Variants in ADARB2 observed in about 807,000 individuals in gnomAD.
ADARB2 encodes inactive double-stranded RNA-specific editase B2.
Under a neutral mutation model 62.2 loss-of-function variants are expected in ADARB2, and 25 were observed. The ratio of observed to expected loss-of-function variants is 0.40; its 90% CI spans 0.29 to 0.56. ADARB2 has a LOEUF of 0.56. ADARB2 is among the 20% of genes least tolerant of loss of function. The probability of loss-of-function intolerance (pLI) is 0.43; values close to 1 mark genes in which losing one functional copy is unlikely to be tolerated. For synonymous variants in ADARB2, 572 were observed against 500.8 expected, an observed-to-expected ratio of 1.14 and a Z score of -1.90; for missense variants, 1,071 against 1,077.4, an observed-to-expected ratio of 0.99 and a Z score of 0.08.
Position 1,363,327 on chromosome 10 carries a change from C to A in ADARB2, c.778G>T (p.Ala260Ser), listed in dbSNP as rs1221499605. The part of the protein sequence containing the change: ...AYGRRRLLCR[A>S]LDLVGPTPAT... ...GGGGTCGGGCCCACCAGGTCCAGCG[C>A]GCGGCACAGCAGCCGCCGTCGCCCG... Residue 260 changes from alanine (A) to serine (S), a missense_variant, in exon 3 of 10, where the codon GCG (alanine) becomes TCG (serine). By Grantham distance (99) the Ala-to-Ser change is moderately conservative. Coordinates refer to ENST00000381312, the MANE Select transcript of ADARB2 (RefSeq NM_018702.4). 8.1e-7 allele frequency: 1 copy of A among 1,238,838 alleles called. No homozygotes were observed. Among genetic ancestry groups the A allele is most frequent in the Non-Finnish European group, 1.0e-6 (1 of 991,276 alleles). 76.7% of individuals were successfully genotyped at this position (1,238,838 alleles called of 1,614,324 possible).
chr10:1,214,656 C>T (rs1330135007), intron 7 of ADARB2, among the ~76,000 whole-genome samples: 5 of 152,346 alleles, frequency 3.3e-5, no homozygotes, highest in Non-Finnish European at 5.9e-5. Context: ...TAATTTACTT[C>T]ATTTTTCTGG....
intron 1 of ADARB2, among the ~76,000 whole-genome samples, chr10:1,498,466 T>C (rs1831721193): frequency 6.6e-6 from 1 of 152,076 alleles, no homozygotes; most frequent in Admixed American, 6.5e-5. Flanking sequence ...TGATCTCATA[T>C]GTGTGAAAAT....
intron 6 of ADARB2, among the ~76,000 whole-genome samples, chr10:1,219,734 T>C (rs1589155292): frequency 6.6e-6 from 1 of 151,662 alleles, no homozygotes; most frequent in Admixed American, 6.6e-5. Context: ...GAGGTGATGG[T>C]GATGGTGAAG....
At chr10:1,401,715 A>G (rs1042469707) in intron 1 of ADARB2, among the ~76,000 whole-genome samples, 1 of 152,078 alleles carries the variant, frequency 6.6e-6, no homozygotes, top group Non-Finnish European at 1.5e-5. Flanking sequence ...TCTGTTCTGC[A>G]GAGTCCCTGT....
chr10:1,524,071 T>TAGAA (rs1189070136), intron 1 of ADARB2, among the ~76,000 whole-genome samples: 1 of 151,640 alleles, frequency 6.6e-6, no homozygotes, highest in African/African-American at 2.4e-5. Flanking sequence ...GATAGATAGA[T>TAGAA]AGATAGATAG....
At chr10:1,345,669 C>A (rs1832074730) in intron 3 of ADARB2, among the ~76,000 whole-genome samples, 1 of 152,178 alleles carries the variant, frequency 6.6e-6, no homozygotes, top group South Asian at 2.1e-4. Flanking sequence ...GAGGACAGCA[C>A]CCCTTCTTTT....
rs1836656621 is a variant in ADARB2, at chr10:1,180,434, C to CACCTGGGGCTGTGGGAATCCTGGG, written c.*2735_*2758dup. Reference sequence around the variant, plus strand: ...TCCTGGGACCCGGGTCTTCCAGGCACACCTGGGGCTGTGGGAATCCTGGGA... The same window carrying CACCTGGGGCTGTGGGAATCCTGGG: ...TCCTGGGACCCGGGTCTTCCAGGCACACCTGGGGCTGTGGGAATCCTGGGACCTGGGGCTGTGGGAATCCTGGGA... On this transcript the variant is annotated 3_prime_UTR_variant, in exon 10 of 10. Transcript: ENST00000381312. 6.9e-6 allele frequency: 1 copy of CACCTGGGGCTGTGGGAATCCTGGG among 145,868 alleles called. No individual in the cohort carries two copies. Among genetic ancestry groups the CACCTGGGGCTGTGGGAATCCTGGG allele is most frequent in the Non-Finnish European group, 1.5e-5 (1 of 65,600 alleles). 9.0% of individuals were successfully genotyped at this position (145,868 alleles called of 1,614,324 possible). A position where few individuals can be genotyped will look rare whatever the true frequency, so the allele number is the denominator to read the frequency against.
At chr10:1,524,189 A>T (rs1832111083) in intron 1 of ADARB2, among the ~76,000 whole-genome samples, 1 of 152,196 alleles carries the variant, frequency 6.6e-6, no homozygotes, top group Non-Finnish European at 1.5e-5. Context: ...AGTCTGAGAC[A>T]TACAAACTTC....
At chr10:1,683,235 T>A (rs905489448) in intron 1 of ADARB2, among the ~76,000 whole-genome samples, 4 of 152,020 alleles carry the variant, frequency 2.6e-5, no homozygotes, top group Admixed American at 6.6e-5. Context: ...TTTCCGAGGA[T>A]TTGGGCATCT....
At chr10:1,385,635 C>T (rs138592644) in intron 1 of ADARB2, among the ~76,000 whole-genome samples, 512 of 152,074 alleles carry the variant, frequency 3.4e-3, no homozygotes, top group Non-Finnish European at 5.6e-3. Context: ...ACAGACTCAA[C>T]GATCTGTTGG....
At chr10:1,506,291 AAT>A (rs1188314543) in intron 1 of ADARB2, among the ~76,000 whole-genome samples, 5 of 152,210 alleles carry the variant, frequency 3.3e-5, no homozygotes, top group African/African-American at 1.2e-4. Context: ...ACCCTTCTGA[AAT>A]AGAGAAATTC....
At chr10:1,558,424 G>GC in intron 1 of ADARB2, among the ~76,000 whole-genome samples, 1 of 120,700 alleles carries the variant, frequency 8.3e-6, no homozygotes, top group Admixed American at 8.7e-5. Context: ...TGGGTGCTCA[G>GC]CACCCCCATG....
At chr10:1,284,960 C>T (rs750929750) in intron 3 of ADARB2, among the ~76,000 whole-genome samples, 3 of 152,114 alleles carry the variant, frequency 2.0e-5, no homozygotes, top group Admixed American at 6.5e-5. Context: ...CATCCAGATG[C>T]CCCAGCTCCT....
chr10:1,674,575 C>G (rs1834436913), intron 1 of ADARB2, among the ~76,000 whole-genome samples: 2 of 150,326 alleles, frequency 1.3e-5, no homozygotes, highest in African/African-American at 4.9e-5. Context: ...CCAAAAACCT[C>G]AAGTTACTCC....
chr10:1,629,085 G>C (rs192016421), intron 1 of ADARB2, among the ~76,000 whole-genome samples: 2 of 152,246 alleles, frequency 1.3e-5, no homozygotes, highest in Admixed American at 6.5e-5. Flanking sequence ...GGCTCAAGCT[G>C]TTCGCCAGGG....
At chr10:1,368,634 T>C (rs1355557696) in intron 2 of ADARB2, among the ~76,000 whole-genome samples, 1 of 152,192 alleles carries the variant, frequency 6.6e-6, no homozygotes, top group Non-Finnish European at 1.5e-5. Context: ...CATTAGCTTT[T>C]CCACACACAA....
intron 1 of ADARB2, chr10:1,675,904 G>T: frequency 1.3e-6 from 1 of 792,846 alleles, no homozygotes. Context: ...AGAGGAAGGG[G>T]CTGCAGAGGT....
chr10:1,697,459 C>T (rs1331448027), intron 1 of ADARB2, among the ~76,000 whole-genome samples: 4 of 151,978 alleles, frequency 2.6e-5, no homozygotes, highest in Admixed American at 6.6e-5. Flanking sequence ...CTGGAGGCAT[C>T]GATGCACAAG....
chr10:1,494,273 T>C (rs1831660738), intron 1 of ADARB2, among the ~76,000 whole-genome samples: 1 of 152,232 alleles, frequency 6.6e-6, no homozygotes, highest in Non-Finnish European at 1.5e-5. Context: ...AATATCCATG[T>C]CTCCTGAGAG....
Sources: gnomAD v4.1 joint callset for allele counts (sites outside exome capture counted in the v4.1 genomes callset) on GRCh38, gnomAD v4.1.1 for gene constraint, MANE v1.5 for transcripts, NCBI Gene and HGNC (gene_info 2026-07-23, HGNC 2026-07-21) for gene names.